SLC22A3: variants seen among roughly 807,000 people sequenced by gnomAD.
The protein encoded by SLC22A3 is EMT organic cation transporter 3.
In SLC22A3, 51 loss-of-function variants were observed where a neutral mutation model predicts 59.1. The observed-to-expected ratio is 0.86, with a 90% CI of 0.69 to 1.09. SLC22A3 has a LOEUF of 1.09. Ranked by LOEUF, SLC22A3 falls within the 50% of genes least tolerant of loss-of-function variation. The pLI is 0.00. For synonymous variants in SLC22A3, 325 were observed against 292.0 expected (o/e 1.11, Z -1.15); for missense variants, 711 against 726.3 (o/e 0.98, Z 0.24).
rs529205314 is a variant in SLC22A3 at position 160,387,711 on chromosome 6, C to T, written c.430-10268C>T. ...GCCAGCCCCATCAGGCTTTGGATCT[C>T]GTATCTTCAGAAATGCTGTCAGTAT... On this transcript the variant is annotated intron_variant, in intron 1 of 10. Coordinates refer to ENST00000275300, the MANE Select transcript of SLC22A3 (RefSeq NM_021977.4). 3.9e-5 allele frequency among the ~76,000 whole-genome samples: 6 copies of T among 152,116 alleles called. No homozygotes were observed. In the East Asian group the frequency reaches 7.7e-4, roughly 20 times the overall value.
chr6:160,425,385 G>A (rs1350185200), intron 5 of SLC22A3, among the ~76,000 whole-genome samples: 1 of 152,178 alleles, frequency 6.6e-6, no homozygotes, highest in Admixed American at 6.5e-5. Flanking sequence ...TCAGCAGATA[G>A]TTACTGGGTG....
At chr6:160,411,219 C>A (rs924136348) in intron 5 of SLC22A3, among the ~76,000 whole-genome samples, 2 of 152,106 alleles carry the variant, frequency 1.3e-5, no homozygotes, top group African/African-American at 2.4e-5. Flanking sequence ...TTGAATCATT[C>A]ATCTTGATTG....
At chr6:160,402,747 G>A (rs1786835447) in intron 2 of SLC22A3, among the ~76,000 whole-genome samples, 1 of 151,738 alleles carries the variant, frequency 6.6e-6, no homozygotes, top group African/African-American at 2.4e-5. Context: ...CAGAAGGATA[G>A]ATGGAAAATC....
intron 1 of SLC22A3, 60 bp from the exon 2 acceptor site, chr6:160,397,919 A>C: frequency 8.2e-7 from 1 of 1,223,154 alleles, no homozygotes; most frequent in Non-Finnish European, 1.2e-6. Context: ...ACAAAAGATA[A>C]GGTGTTTTGA....
intron 10 of SLC22A3, among the ~76,000 whole-genome samples, chr6:160,449,429 T>C (rs1788868609): frequency 6.6e-6 from 1 of 152,158 alleles, no homozygotes; most frequent in Non-Finnish European, 1.5e-5. Flanking sequence ...CTAGTCTCTA[T>C]ACATGAAAAA....
At chr6:160,420,287 G>A (rs965306690) in intron 5 of SLC22A3, among the ~76,000 whole-genome samples, 1 of 152,204 alleles carries the variant, frequency 6.6e-6, no homozygotes, top group Non-Finnish European at 1.5e-5. Context: ...CTTGTGGGAT[G>A]CCTCATCAGA....
intron 5 of SLC22A3, among the ~76,000 whole-genome samples, chr6:160,433,828 G>GT (rs1368820930): frequency 6.6e-6 from 1 of 152,194 alleles, no homozygotes; most frequent in Admixed American, 6.5e-5. Context: ...GGAAACTTGA[G>GT]TGAGAGTGAA....
intron 3 of SLC22A3, among the ~76,000 whole-genome samples, chr6:160,407,613 C>T (rs1437729572): frequency 1.3e-5 from 2 of 152,224 alleles, no homozygotes; most frequent in East Asian, 3.9e-4. Flanking sequence ...GCCAACTCTC[C>T]TCTTTCTGTA....
chr6:160,373,594 A>G (rs1378220500), intron 1 of SLC22A3, among the ~76,000 whole-genome samples: 1 of 152,174 alleles, frequency 6.6e-6, no homozygotes, highest in Non-Finnish European at 1.5e-5. Context: ...AAGTCTACTG[A>G]AGCTGTGCCC....
chr6:160,412,990 T>C (rs978835101), intron 5 of SLC22A3, among the ~76,000 whole-genome samples: 21 of 151,496 alleles, frequency 1.4e-4, no homozygotes, highest in African/African-American at 5.1e-4. Context: ...TCTAGAAAAA[T>C]AGGCATCTAG....
chr6:160,367,748 G>A (rs1413245580), intron 1 of SLC22A3, among the ~76,000 whole-genome samples: 1 of 152,202 alleles, frequency 6.6e-6, no homozygotes, highest in Non-Finnish European at 1.5e-5. Context: ...CATCATGGAT[G>A]ATGGGGCACT....
rs1788980571 is a variant in SLC22A3 at position 160,451,881 on chromosome 6, G to A, written c.*825G>A. ...AAATCCCATGGATTCTGATTTCTGG[G>A]TCTTAGGATTTTAAAAGTGAAGGGA... On this transcript the variant is annotated 3_prime_UTR_variant, in exon 11 of 11. Coordinates refer to ENST00000275300, the MANE Select transcript of SLC22A3 (RefSeq NM_021977.4). 1.3e-5 allele frequency: 2 copies of A among 152,162 alleles called. No individual in the cohort carries two copies. The highest frequency in any genetic ancestry group is 4.2e-4 in the South Asian group (2 of 4,818). 9.4% of individuals were successfully genotyped at this position (152,162 alleles called of 1,614,324 possible).
rs751310001 is a variant in SLC22A3, at chr6:160,408,963, C to T, written c.857+42C>T. Reference sequence around the variant, plus strand: ...TATCATCATATTTATACTGATTCTGCAGAAATTAGACTCCAAACAGACATG... The same window carrying T: ...TATCATCATATTTATACTGATTCTGTAGAAATTAGACTCCAAACAGACATG... On this transcript the variant is annotated intron_variant, in intron 4 of 10. Transcript: ENST00000275300. 3.0e-5 allele frequency: 47 copies of T among 1,545,538 alleles called. 1 individual carries two copies. The Admixed American group carries it at 7.8e-4, about 26-fold the overall frequency.
At chr6:160,368,641 A>G (rs1362970828) in intron 1 of SLC22A3, among the ~76,000 whole-genome samples, 1 of 152,010 alleles carries the variant, frequency 6.6e-6, no homozygotes, top group Admixed American at 6.6e-5. Flanking sequence ...GGTCTCCATC[A>G]TCCCCGCCAC....
intron 1 of SLC22A3, among the ~76,000 whole-genome samples, chr6:160,391,715 G>T (rs1288407792): frequency 6.6e-6 from 1 of 152,186 alleles, no homozygotes; most frequent in African/African-American, 2.4e-5. Context: ...ATGCGTAACT[G>T]CAAGCCTTCA....
At chr6:160,395,313 A>G (rs1786428354) in intron 1 of SLC22A3, among the ~76,000 whole-genome samples, 1 of 152,196 alleles carries the variant, frequency 6.6e-6, no homozygotes, top group South Asian at 2.1e-4. Context: ...GAATACATGT[A>G]TTAAAAGGCA....
intron 1 of SLC22A3, among the ~76,000 whole-genome samples, chr6:160,365,852 G>A (rs977235356): frequency 6.6e-6 from 1 of 152,068 alleles, no homozygotes; most frequent in Non-Finnish European, 1.5e-5. Context: ...TGGAAGGGGA[G>A]GTAAACACTT....
chr6:160,367,764 G>A (rs919944734), intron 1 of SLC22A3, among the ~76,000 whole-genome samples: 16 of 152,150 alleles, frequency 1.1e-4, no homozygotes, highest in Non-Finnish European at 1.9e-4. Flanking sequence ...GCACTGTTAC[G>A]GGTGCTGGGA....
chr6:160,424,333 GGT>G (rs1787871297), intron 5 of SLC22A3, among the ~76,000 whole-genome samples: 2 of 152,112 alleles, frequency 1.3e-5, no homozygotes, highest in South Asian at 4.1e-4. Context: ...TAAATTGAAA[GGT>G]GTTATTAAAT....
Sources: allele counts gnomAD v4.1 joint callset (sites outside exome capture counted in the v4.1 genomes callset), GRCh38; gene constraint gnomAD v4.1.1; transcripts MANE v1.5; gene names NCBI Gene and HGNC (gene_info 2026-07-23, HGNC 2026-07-21).